Variants in AK9 observed in about 807,000 individuals in gnomAD.
AK9 encodes adenylate kinase domain containing 1.
A neutral mutation model predicts 239.6 loss-of-function variants in AK9; 191 were observed. The observed-to-expected ratio is 0.80, with a 90% CI of 0.71 to 0.90. The LOEUF (loss-of-function observed/expected upper bound fraction) is 0.90, where lower values mean the gene tolerates loss of function less well. Ranked by LOEUF, AK9 falls within the 40% of genes least tolerant of loss-of-function variation. AK9 has a pLI of 0.00. For synonymous variants in AK9, 689 were observed against 721.0 expected (o/e 0.96, Z 0.71); for missense variants, 1,995 against 2,214.7 (o/e 0.90, Z 1.99).
chr6:109,622,606 G>GCATAGTA (rs1795015892), intron 12 of AK9, among the ~76,000 whole-genome samples: 1 of 145,960 alleles, frequency 6.9e-6, no homozygotes, highest in South Asian at 2.1e-4. Flanking sequence ...ATGTATATAT[G>GCATAGTA]TGTATTATAG....
chr6:109,624,687 G>T (rs557542768), intron 12 of AK9, among the ~76,000 whole-genome samples: 1 of 152,222 alleles, frequency 6.6e-6, no homozygotes, highest in East Asian at 1.9e-4. Flanking sequence ...GTCCCTTCGT[G>T]TAGGTCTTTC....
intron 26 of AK9, 121 bp downstream of exon 26, chr6:109,545,746 T>G (rs1252600935): frequency 3.2e-5 from 40 of 1,251,270 alleles, no homozygotes; most frequent in Non-Finnish European, 3.9e-5. Context: ...GAGGCTTTGG[T>G]GAGCTGTGAT....
chr6:109,592,216 G>A (rs906439944), intron 17 of AK9, among the ~76,000 whole-genome samples: 1 of 152,096 alleles, frequency 6.6e-6, no homozygotes, highest in African/African-American at 2.4e-5. Flanking sequence ...ATAGAATGAT[G>A]TCTTTTATTT....
Position 109,533,262 on chromosome 6 carries a change from C to T in AK9, c.3559G>A (p.Ala1187Thr), listed in dbSNP as rs1482406099. 8 of 1,598,992 alleles carry T rather than the reference C, an allele frequency of 5.0e-6. No individual in the cohort carries two copies. The highest frequency in any genetic ancestry group is 1.8e-5 in the Admixed American group (1 of 56,882). The change falls in exon 28 of 41, where the codon GCA (alanine) becomes ACA (threonine). Residue 1187 changes from alanine (A) to threonine (T), a missense_variant. Coordinates refer to ENST00000424296, the MANE Select transcript of AK9 (RefSeq NM_001145128.3). ...TGCTAGATACATACCCTGATTTTTG[C>T]CTTCATGTCTTTGATCAGTTTCTTC... ...ERKKLIKDMKAKIRVDTIAKR... is the reference protein window; with the variant it reads ...ERKKLIKDMKTKIRVDTIAKR...
At chr6:109,530,495 T>C (rs1781084073) in intron 28 of AK9, among the ~76,000 whole-genome samples, 1 of 152,066 alleles carries the variant, frequency 6.6e-6, no homozygotes, top group South Asian at 2.1e-4. Flanking sequence ...AAATGTGGAG[T>C]TGTGAAAACA....
intron 20 of AK9, among the ~76,000 whole-genome samples, chr6:109,574,507 G>A (rs887514627): frequency 2.0e-5 from 3 of 152,108 alleles, no homozygotes; most frequent in Non-Finnish European, 2.9e-5. Flanking sequence ...TTCTTTTGGT[G>A]ACAAAGTCAA....
intron 29 of AK9, 69 bp from the exon 30 acceptor site, chr6:109,516,711 A>G (rs1582800182): frequency 7.6e-7 from 1 of 1,323,752 alleles, no homozygotes; most frequent in Admixed American, 2.1e-5. Context: ...TTAACAAATC[A>G]TCTGGAATAT....
At position 109,500,972 on chromosome 6, in the gene AK9, A is replaced by G. The variant is rs191264225; in HGVS notation, c.4850-1732T>C. Among the ~76,000 whole-genome samples the G allele has an allele frequency of 4.2e-3, 632 of 151,464 alleles. 19 individuals are homozygous for G. Among genetic ancestry groups the G allele is most frequent in the Admixed American group, 0.038 (571 of 15,154 alleles). ...GGTGGAGGCTGCAGTAAGCCACTGC[A>G]CTCCAGGCTGGGCAACAGAGTGAGA... On this transcript the variant is annotated intron_variant, in intron 35 of 40. Coordinates refer to ENST00000424296, the MANE Select transcript of AK9 (RefSeq NM_001145128.3).
chr6:109,628,593 C>G (rs1795796366), intron 12 of AK9, among the ~76,000 whole-genome samples: 1 of 152,208 alleles, frequency 6.6e-6, no homozygotes, highest in South Asian at 2.1e-4. Flanking sequence ...ACAGTTCCAT[C>G]AACAGTTTTT....
At chr6:109,581,066 C>T (rs1257314076) in intron 19 of AK9, among the ~76,000 whole-genome samples, 1 of 151,944 alleles carries the variant, frequency 6.6e-6, no homozygotes, top group Non-Finnish European at 1.5e-5. Flanking sequence ...CACCATGAAC[C>T]ACATCTATAT....
At chr6:109,565,993 AC>A (rs746942043) in intron 21 of AK9, among the ~76,000 whole-genome samples, 11 of 152,068 alleles carry the variant, frequency 7.2e-5, no homozygotes, top group South Asian at 2.1e-4. Flanking sequence ...ATCATTACAA[AC>A]CATGGAAGAG....
intron 27 of AK9, among the ~76,000 whole-genome samples, chr6:109,534,174 T>A (rs1246129685): frequency 6.8e-6 from 1 of 147,622 alleles, no homozygotes; most frequent in African/African-American, 2.5e-5. Flanking sequence ...ATCAGGAAAA[T>A]ATGCCATTGC....
intron 17 of AK9, among the ~76,000 whole-genome samples, chr6:109,596,864 T>G (rs1264635294): frequency 1.3e-5 from 2 of 152,208 alleles, no homozygotes; most frequent in African/African-American, 4.8e-5. Context: ...TACCCAGTAG[T>G]GGGATTGCTG....
chr6:109,671,227 A>T (rs1005689840), intron 5 of AK9, among the ~76,000 whole-genome samples: 3 of 152,222 alleles, frequency 2.0e-5, no homozygotes, highest in African/African-American at 7.2e-5. Context: ...CTTACTAAGA[A>T]TATAAAACAA....
intron 5 of AK9, among the ~76,000 whole-genome samples, chr6:109,667,208 C>G (rs1326461956): frequency 2.0e-5 from 3 of 151,948 alleles, no homozygotes; most frequent in Non-Finnish European, 4.4e-5. Context: ...TTTGGCAATA[C>G]TCTGCCGTGT....
At chr6:109,579,837 CTT>C (rs1788593285) in intron 19 of AK9, among the ~76,000 whole-genome samples, 1 of 152,050 alleles carries the variant, frequency 6.6e-6, no homozygotes, top group Admixed American at 6.6e-5. Flanking sequence ...CTTTGAAAAA[CTT>C]TGTCTATTAA....
intron 1 of AK9, among the ~76,000 whole-genome samples, chr6:109,683,611 A>T (rs1429997523): frequency 6.6e-6 from 1 of 152,230 alleles, no homozygotes; most frequent in East Asian, 1.9e-4. Flanking sequence ...AATAACAGAC[A>T]AACAGAGGGC....
intron 29 of AK9, among the ~76,000 whole-genome samples, chr6:109,518,127 C>A (rs1307581903): frequency 6.6e-6 from 1 of 152,058 alleles, no homozygotes; most frequent in Non-Finnish European, 1.5e-5. Flanking sequence ...GGCCTCTGGT[C>A]ATTTAGTTTA....
intron 12 of AK9, among the ~76,000 whole-genome samples, chr6:109,620,769 A>G (rs1178245855): frequency 1.3e-5 from 2 of 151,608 alleles, no homozygotes; most frequent in African/African-American, 4.8e-5. Context: ...CTATATACAC[A>G]TAATAGTATA....
Sources: gnomAD v4.1 joint callset for allele counts (sites outside exome capture counted in the v4.1 genomes callset) on GRCh38, gnomAD v4.1.1 for gene constraint, MANE v1.5 for transcripts, NCBI Gene and HGNC (gene_info 2026-07-23, HGNC 2026-07-21) for gene names.